The following YAP1 variants were observed in gnomAD, a reference collection of about 807,000 sequenced individuals.
YAP1 encodes transcriptional coactivator YAP1.
YAP1 carries 5 observed loss-of-function variants against 56.9 expected under a neutral mutation model. The ratio of observed to expected loss-of-function variants is 0.09; its 90% CI spans 0.05 to 0.18. The LOEUF (loss-of-function observed/expected upper bound fraction) is 0.18. Ranked by LOEUF, YAP1 falls within the 10% of genes least tolerant of loss-of-function variation. The pLI is 1.00. For synonymous variants in YAP1, 265 were observed against 248.1 expected, an observed-to-expected ratio of 1.07 and a Z score of -0.64; for missense variants, 539 against 651.8, an observed-to-expected ratio of 0.83 and a Z score of 1.88.
rs2135740721 is a variant in YAP1, at chr11:102,233,135, CT to C, written c.*3196del. ...AATGAGTGCTCAGGTGGATTTTATCCTCGCAAGCATGTTGTTATAAGAATTG... is the reference window on the plus strand; with the variant it reads ...AATGAGTGCTCAGGTGGATTTTATCCCGCAAGCATGTTGTTATAAGAATTG... On this transcript the variant is annotated 3_prime_UTR_variant, in exon 9 of 9. Transcript: ENST00000282441. The C allele has an allele frequency of 6.6e-6, 1 of 152,220 alleles. No homozygotes were observed. The highest frequency in any genetic ancestry group is 2.4e-5 in the African/African-American group (1 of 41,546). The allele number at this position is 152,220 out of a possible 1,614,324, so 9.4% of individuals were successfully genotyped here.
At chr11:102,226,350 T>C (rs1238080177) in intron 7 of YAP1, among the ~76,000 whole-genome samples, 4 of 152,214 alleles carry the variant, frequency 2.6e-5, no homozygotes, top group African/African-American at 9.7e-5. Flanking sequence ...ACAAGGCAAA[T>C]GCATTGCATC....
chr11:102,128,098 T>C (rs1003472566), intron 2 of YAP1, among the ~76,000 whole-genome samples: 1 of 152,214 alleles, frequency 6.6e-6, no homozygotes, highest in Non-Finnish European at 1.5e-5. Context: ...GACTTTGGAC[T>C]GTGGACTTTT....
At chr11:102,137,794 C>G (rs1294047665) in intron 2 of YAP1, among the ~76,000 whole-genome samples, 2 of 147,724 alleles carry the variant, frequency 1.4e-5, no homozygotes, top group Non-Finnish European at 3.0e-5. Context: ...TTCTCAATAT[C>G]ATTAACCTTG....
At chr11:102,145,623 G>A (rs1350503524) in intron 2 of YAP1, among the ~76,000 whole-genome samples, 2 of 152,148 alleles carry the variant, frequency 1.3e-5, no homozygotes, top group African/African-American at 2.4e-5. Context: ...GGTAAAAGAC[G>A]TTATTAGGAC....
chr11:102,129,618 C>CAA (rs139054273), intron 2 of YAP1, among the ~76,000 whole-genome samples: 261 of 100,170 alleles, frequency 2.6e-3, no homozygotes, highest in African/African-American at 9.3e-3. Context: ...ACTCTGTCTC[C>CAA]AAAAAAAAAA....
rs779354094 is a variant in YAP1 at position 102,209,502 on chromosome 11, A to AT, written c.985-9dup. On this transcript the variant is annotated splice_polypyrimidine_tract_variant and intron_variant, in intron 5 of 8. Coordinates refer to ENST00000282441, the MANE Select transcript of YAP1 (RefSeq NM_001130145.3). ...GCTTAAAGTAATTTTTATCCGTCTT[A>AT]TTTTTTACTCTTAGGCAATGCGGAA... 8 of 1,601,576 alleles carry AT rather than the reference A, an allele frequency of 5.0e-6. No homozygotes were observed. The highest frequency in any genetic ancestry group is 6.8e-6 in the Non-Finnish European group (8 of 1,175,066).
At chr11:102,204,234 A>C (rs1444686250) in intron 4 of YAP1, among the ~76,000 whole-genome samples, 2 of 152,042 alleles carry the variant, frequency 1.3e-5, no homozygotes, top group African/African-American at 4.8e-5. Flanking sequence ...AAGGGGAAAA[A>C]AAAAAAAAAA....
intron 4 of YAP1, among the ~76,000 whole-genome samples, chr11:102,202,445 C>T (rs1948917829): frequency 1.3e-5 from 2 of 150,846 alleles, no homozygotes; most frequent in South Asian, 2.1e-4. Flanking sequence ...TCCCCAAGTG[C>T]TGGGATTACA....
chr11:102,155,644 T>A (rs1283696604), intron 2 of YAP1, among the ~76,000 whole-genome samples: 2 of 152,202 alleles, frequency 1.3e-5, no homozygotes, highest in Non-Finnish European at 2.9e-5. Flanking sequence ...CTAAGAAGCG[T>A]TTAGTGTGGA....
At chr11:102,157,365 T>TTAAG (rs1946016333) in intron 2 of YAP1, among the ~76,000 whole-genome samples, 1 of 152,162 alleles carries the variant, frequency 6.6e-6, no homozygotes, top group South Asian at 2.1e-4. Context: ...CTAGAGTCAG[T>TTAAG]TAAGCGTGTA....
At chr11:102,111,590 C>T (rs1178988986) in intron 1 of YAP1, among the ~76,000 whole-genome samples, 1 of 150,860 alleles carries the variant, frequency 6.6e-6, no homozygotes, top group Admixed American at 6.6e-5. Flanking sequence ...CCTTCGCTCC[C>T]GCCGGGCCGG....
At chr11:102,136,573 G>C (rs534181942) in intron 2 of YAP1, among the ~76,000 whole-genome samples, 6 of 151,950 alleles carry the variant, frequency 3.9e-5, no homozygotes, top group Non-Finnish European at 8.8e-5. Context: ...AGCTGGTGTC[G>C]AACTTCTGGG....
Position 102,114,313 on chromosome 11 carries a change from C to G in YAP1, c.491C>G (p.Ser164Cys). The stretch of plus-strand genomic sequence containing the variant: ...ACAGCTCAGCATCTTCGACAGTCTT[C>G]TTTTGAGATACCTGATGATGTACCT... ...TPTAQHLRQS[S>C]FEIPDDVPLP... The change falls in exon 2 of 9, where the codon TCT (serine) becomes TGT (cysteine). Residue 164 changes from serine (S) to cysteine (C), a missense_variant. Coordinates refer to ENST00000282441, the MANE Select transcript of YAP1 (RefSeq NM_001130145.3). The G allele has an allele frequency of 1.2e-6, 2 of 1,614,162 alleles. No homozygotes were observed. The highest frequency in any genetic ancestry group is 1.7e-6 in the Non-Finnish European group (2 of 1,180,020).
Position 102,230,067 on chromosome 11 carries a change from T to G in YAP1, c.*127T>G. 1 of 783,340 alleles carries G rather than the reference T, an allele frequency of 1.3e-6. No individual in the cohort carries two copies. The highest frequency in any genetic ancestry group is 2.5e-5 in the East Asian group (1 of 40,734). The allele number at this position is 783,340 out of a possible 1,614,324, so 48.5% of individuals were successfully genotyped here. Reference sequence around the variant, plus strand: ...AAAGATGAACAAACGTCCAGCAAGATACTTTAATCCTCTATTTTGCTCTTC... The same window carrying G: ...AAAGATGAACAAACGTCCAGCAAGAGACTTTAATCCTCTATTTTGCTCTTC... On this transcript the variant is annotated 3_prime_UTR_variant, in exon 9 of 9. Transcript: ENST00000282441.
chr11:102,229,596 G>A (rs1950365784), intron 8 of YAP1, 106 bp from the exon 9 acceptor site: 2 of 1,006,408 alleles, frequency 2.0e-6, no homozygotes, highest in Non-Finnish European at 3.0e-6. Flanking sequence ...GTTTAGGTCA[G>A]TCAGGAGCGC....
At chr11:102,181,537 A>T (rs567272506) in intron 3 of YAP1, among the ~76,000 whole-genome samples, 2 of 152,266 alleles carry the variant, frequency 1.3e-5, no homozygotes, top group East Asian at 3.9e-4. Flanking sequence ...CCTTATTTCT[A>T]TCTGGTCATT....
intron 3 of YAP1, among the ~76,000 whole-genome samples, chr11:102,180,432 C>G (rs1289441265): frequency 6.6e-6 from 1 of 151,762 alleles, no homozygotes; most frequent in Non-Finnish European, 1.5e-5. Flanking sequence ...CCTGTAATCC[C>G]AGCACTTTGG....
intron 6 of YAP1, among the ~76,000 whole-genome samples, chr11:102,217,965 T>C (rs964043965): frequency 4.6e-5 from 7 of 152,186 alleles, no homozygotes; most frequent in Admixed American, 3.9e-4. Context: ...CCTCCCAAAG[T>C]GCTGGGATTA....
intron 4 of YAP1, among the ~76,000 whole-genome samples, chr11:102,194,857 TATTC>T (rs1948492314): frequency 6.6e-6 from 1 of 152,230 alleles, no homozygotes. Context: ...TTGACCTGTT[TATTC>T]ATTAATCTAA....
Sources: allele counts gnomAD v4.1 joint callset (sites outside exome capture counted in the v4.1 genomes callset), GRCh38; gene constraint gnomAD v4.1.1; transcripts MANE v1.5; gene names NCBI Gene and HGNC (gene_info 2026-07-23, HGNC 2026-07-21).